The following ATP8B4 variants were observed in gnomAD, a reference collection of about 807,000 sequenced individuals.
ATP8B4 encodes the protein ATPase phospholipid transporting 8B4 (putative), also known as probable phospholipid-transporting ATPase IM.
In ATP8B4, 133 loss-of-function variants were observed where a neutral mutation model predicts 145.6. That is an observed-to-expected ratio of 0.91 (90% confidence interval 0.79 to 1.05). ATP8B4 has a LOEUF of 1.05. Ranked by LOEUF, ATP8B4 falls within the 50% of genes least tolerant of loss-of-function variation. ATP8B4 has a pLI of 0.00. For synonymous variants in ATP8B4, 507 were observed against 492.9 expected (o/e 1.03, Z -0.38); for missense variants, 1,458 against 1,425.2 (o/e 1.02, Z -0.37).
intron 1 of ATP8B4, among the ~76,000 whole-genome samples, chr15:50,152,598 A>G (rs1218565459): frequency 1.3e-5 from 2 of 152,220 alleles, no homozygotes; most frequent in African/African-American, 2.4e-5. Flanking sequence ...TTCTAAATCA[A>G]AAAGATTTAA....
chr15:49,918,235 G>A (rs1238432443), intron 19 of ATP8B4, among the ~76,000 whole-genome samples: 1 of 152,154 alleles, frequency 6.6e-6, no homozygotes, highest in Non-Finnish European at 1.5e-5. Context: ...CTAATGATTT[G>A]GCATTTTGTC....
At chr15:49,983,607 C>A (rs1165937645) in intron 10 of ATP8B4, among the ~76,000 whole-genome samples, 1 of 152,192 alleles carries the variant, frequency 6.6e-6, no homozygotes, top group Non-Finnish European at 1.5e-5. Context: ...AACCCCAGGA[C>A]CTGCTGTCTA....
At chr15:49,950,655 T>C (rs2043020610) in intron 14 of ATP8B4, among the ~76,000 whole-genome samples, 1 of 150,488 alleles carries the variant, frequency 6.6e-6, no homozygotes, top group Admixed American at 6.6e-5. Context: ...AACCAGCTCC[T>C]GGATTCGTTG....
At chr15:50,113,525 C>A (rs771597452) in intron 1 of ATP8B4, among the ~76,000 whole-genome samples, 2 of 115,102 alleles carry the variant, frequency 1.7e-5, no homozygotes, top group Non-Finnish European at 4.4e-5. Flanking sequence ...TATGTGTGTA[C>A]GTATGGGTGT....
intron 21 of ATP8B4, among the ~76,000 whole-genome samples, chr15:49,899,954 T>C (rs2037837165): frequency 6.6e-6 from 1 of 152,204 alleles, no homozygotes; most frequent in South Asian, 2.1e-4. Context: ...AATTATCACC[T>C]GAGTACTCTT....
At chr15:49,916,375 A>G (rs2413977) in intron 20 of ATP8B4, among the ~76,000 whole-genome samples, 33,586 of 152,048 alleles carry the variant, frequency 0.22, 4,899 homozygotes, top group Non-Finnish European at 0.32. Context: ...CATAAACAGT[A>G]TATATCTGGG....
chr15:49,927,568 C>T (rs1236554077), intron 16 of ATP8B4, among the ~76,000 whole-genome samples: 1 of 152,134 alleles, frequency 6.6e-6, no homozygotes, highest in African/African-American at 2.4e-5. Context: ...CACTACCTTT[C>T]CTCATATGGG....
intron 3 of ATP8B4, among the ~76,000 whole-genome samples, chr15:50,061,159 G>C (rs1362444279): frequency 6.6e-6 from 1 of 151,104 alleles, no homozygotes; most frequent in Non-Finnish European, 1.5e-5. Flanking sequence ...TCTGGACTTC[G>C]TTTTCAATCC....
intron 21 of ATP8B4, 34 bp from the exon 22 acceptor site, chr15:49,898,285 A>C: frequency 6.3e-7 from 1 of 1,583,208 alleles, no homozygotes; most frequent in Non-Finnish European, 8.6e-7. Context: ...AAACAAGAAC[A>C]GGAAACAATA....
chr15:50,070,878 T>G (rs2053685081), intron 3 of ATP8B4, among the ~76,000 whole-genome samples: 1 of 152,124 alleles, frequency 6.6e-6, no homozygotes, highest in African/African-American at 2.4e-5. Context: ...GTAGCTGGAC[T>G]ACACACGCCC....
chr15:50,055,359 A>G (rs1313036896), intron 3 of ATP8B4, among the ~76,000 whole-genome samples: 1 of 152,190 alleles, frequency 6.6e-6, no homozygotes, highest in Non-Finnish European at 1.5e-5. Flanking sequence ...GAACATTCAT[A>G]ATATATGCAA....
chr15:50,088,738 A>G (rs932695916), intron 2 of ATP8B4, among the ~76,000 whole-genome samples: 3 of 152,076 alleles, frequency 2.0e-5, no homozygotes, highest in Admixed American at 1.3e-4. Context: ...ACTTCTTTAA[A>G]CCTGTTTTGT....
chr15:50,029,819 AT>A (rs1044828128), intron 6 of ATP8B4, among the ~76,000 whole-genome samples: 3 of 152,196 alleles, frequency 2.0e-5, no homozygotes, highest in African/African-American at 7.2e-5. Flanking sequence ...ATCAAGGGTG[AT>A]TTCTATGTTT....
chr15:49,967,774 C>T (rs1949797519), intron 13 of ATP8B4, among the ~76,000 whole-genome samples: 1 of 152,140 alleles, frequency 6.6e-6, no homozygotes, highest in African/African-American at 2.4e-5. Flanking sequence ...ATACAGAGAA[C>T]ACCACAAAGA....
chr15:50,076,866 C>T (rs2054211596), intron 2 of ATP8B4, among the ~76,000 whole-genome samples: 1 of 152,210 alleles, frequency 6.6e-6, no homozygotes, highest in African/African-American at 2.4e-5. Flanking sequence ...TTTAACCTGA[C>T]TATGCTACAC....
chr15:49,890,523 C>T (rs778973054), intron 23 of ATP8B4, among the ~76,000 whole-genome samples: 21 of 152,148 alleles, frequency 1.4e-4, no homozygotes, highest in Non-Finnish European at 2.8e-4. Flanking sequence ...TCTCATCACC[C>T]AACACATGGT....
At chr15:50,088,100 G>T (rs2055337186) in intron 2 of ATP8B4, among the ~76,000 whole-genome samples, 1 of 151,858 alleles carries the variant, frequency 6.6e-6, no homozygotes, top group African/African-American at 2.4e-5. Flanking sequence ...AAAAAACCTA[G>T]ATCCAGGTTG....
intron 24 of ATP8B4, 58 bp downstream of exon 24, chr15:49,879,318 C>G: frequency 6.8e-7 from 1 of 1,478,238 alleles, no homozygotes; most frequent in South Asian, 1.2e-5. Flanking sequence ...TTAGAACCCA[C>G]AAAAAACTAA....
chr15:49,862,266 T>C lies in ATP8B4; in HGVS notation c.3276A>G (p.Leu1092=). 1.2e-6 allele frequency: 2 copies of C among 1,613,626 alleles called. No individual in the cohort carries two copies. Among genetic ancestry groups the C allele is most frequent in the East Asian group, 4.5e-5 (2 of 44,816 alleles). The change falls in exon 27 of 28, where the codon TTA becomes TTG. Residue 1092 remains leucine, a synonymous_variant. Transcript: ENST00000284509. ...ATACCTGATCACTCAGGGTTGGGTA[T>C]AAATCCACCTTCAAAAATCTGAATG... ...VVAFRFLKVD[L]YPTLSDQIRR... is the part of the protein sequence containing the mutation.
Sources: allele counts gnomAD v4.1 joint callset (sites outside exome capture counted in the v4.1 genomes callset), GRCh38; gene constraint gnomAD v4.1.1; transcripts MANE v1.5; gene names NCBI Gene and HGNC (gene_info 2026-07-23, HGNC 2026-07-21).